SMYD3: variants seen among roughly 807,000 people sequenced by gnomAD.
SMYD3 encodes the protein SET and MYND domain containing 3.
A neutral mutation model predicts 57.7 loss-of-function variants in SMYD3; 36 were observed. The ratio of observed to expected loss-of-function variants is 0.62; its 90% CI spans 0.48 to 0.82. The LOEUF is 0.82. Ranked by LOEUF, SMYD3 falls within the 40% of genes least tolerant of loss-of-function variation. SMYD3 has a pLI of 0.00. For missense variants in SMYD3, 515 were observed against 538.8 expected, an observed-to-expected ratio of 0.96 and a Z score of 0.44; for synonymous variants, 211 against 195.0, an observed-to-expected ratio of 1.08 and a Z score of -0.68.
intron 1 of SMYD3, among the ~76,000 whole-genome samples, chr1:246,431,888 A>G (rs916123567): frequency 1.3e-5 from 2 of 152,200 alleles, no homozygotes; most frequent in African/African-American, 4.8e-5. Context: ...TCCATATTTT[A>G]TAATAGAAAG....
chr1:246,247,636 G>A (rs2063730898), intron 5 of SMYD3, among the ~76,000 whole-genome samples: 1 of 151,878 alleles, frequency 6.6e-6, no homozygotes, highest in Non-Finnish European at 1.5e-5. Context: ...AGAGAGGCTA[G>A]CTGCGGCTCC....
At chr1:246,285,580 T>C (rs951595043) in intron 5 of SMYD3, among the ~76,000 whole-genome samples, 2 of 152,074 alleles carry the variant, frequency 1.3e-5, no homozygotes, top group Middle Eastern at 3.4e-3. Flanking sequence ...GACACTGGCT[T>C]AGGCAAAGAC....
At chr1:245,953,323 C>T (rs2147953152) in intron 5 of SMYD3, 1 of 995,298 alleles carries the variant, frequency 1.0e-6, no homozygotes, top group African/African-American at 1.7e-5. Context: ...CAAAATCTTT[C>T]AATTAACTAA....
rs60915002 is a variant in SMYD3, at chr1:246,225,321, C to CAAAAAAAAAAAAAAAAAAAAAAAAAAAA, written c.531+101852_531+101879dup. ...GTTATGTGGAAGACTGCTGAAAAGT[C>CAAAAAAAAAAAAAAAAAAAAAAAAAAAA]AAAAAAAAAAAAAAAAAAAAAAAAA... On this transcript the variant is annotated intron_variant, in intron 5 of 11. Transcript: ENST00000490107. 9.2e-5 allele frequency among the ~76,000 whole-genome samples: 7 copies of CAAAAAAAAAAAAAAAAAAAAAAAAAAAA among 76,254 alleles called. 2 individuals are homozygous for CAAAAAAAAAAAAAAAAAAAAAAAAAAAA. Among genetic ancestry groups the CAAAAAAAAAAAAAAAAAAAAAAAAAAAA allele is most frequent in the African/African-American group, 9.5e-5 (2 of 21,138 alleles). 50.0% of individuals were successfully genotyped at this position (76,254 alleles called of 152,430 possible).
chr1:245,976,825 TCG>T (rs2058438896), intron 5 of SMYD3, among the ~76,000 whole-genome samples: 1 of 28,340 alleles, frequency 3.5e-5, no homozygotes, highest in Non-Finnish European at 9.5e-5. Context: ...GGGAAAGCCA[TCG>T]TCTCTAGCCT....
At chr1:246,289,688 A>G (rs10737789) in intron 5 of SMYD3, among the ~76,000 whole-genome samples, 69,576 of 151,984 alleles carry the variant, frequency 0.46, 16,863 homozygotes, top group East Asian at 0.82. Flanking sequence ...AGTGCATGGC[A>G]CTTGGTAAAT....
At chr1:245,783,924 T>C (rs1166131497) in intron 10 of SMYD3, among the ~76,000 whole-genome samples, 7 of 152,222 alleles carry the variant, frequency 4.6e-5, no homozygotes, top group Non-Finnish European at 4.4e-5. Flanking sequence ...TGTTCATGCA[T>C]TGGAAGACTC....
intron 10 of SMYD3, among the ~76,000 whole-genome samples, chr1:245,846,095 G>C (rs1192196937): frequency 6.6e-6 from 1 of 152,190 alleles, no homozygotes; most frequent in African/African-American, 2.4e-5. Context: ...CATGAATGGG[G>C]TGGGGGGGAA....
At chr1:245,859,262 C>T (rs1488705906) in intron 9 of SMYD3, among the ~76,000 whole-genome samples, 1 of 152,162 alleles carries the variant, frequency 6.6e-6, no homozygotes, top group Non-Finnish European at 1.5e-5. Flanking sequence ...ACAGTGACCC[C>T]AGCCTGTACT....
intron 5 of SMYD3, among the ~76,000 whole-genome samples, chr1:246,118,225 C>T (rs6686745): frequency 0.17 from 26,057 of 151,918 alleles, 3,338 homozygotes; most frequent in African/African-American, 0.36. Context: ...ACTCAAATGT[C>T]AGGCCAAAAA....
At chr1:246,142,104 G>A (rs2061766737) in intron 5 of SMYD3, among the ~76,000 whole-genome samples, 2 of 152,038 alleles carry the variant, frequency 1.3e-5, no homozygotes, top group Non-Finnish European at 2.9e-5. Flanking sequence ...TCTCGATTCA[G>A]TAGTCCCCCT....
chr1:245,896,704 G>A (rs557220481), intron 8 of SMYD3, among the ~76,000 whole-genome samples: 1 of 152,330 alleles, frequency 6.6e-6, no homozygotes, highest in South Asian at 2.1e-4. Flanking sequence ...TGGGCCTGAA[G>A]GGGCCAAACA....
chr1:245,936,586 T>C (rs767006359), intron 5 of SMYD3, among the ~76,000 whole-genome samples: 8 of 152,198 alleles, frequency 5.3e-5, no homozygotes, highest in Non-Finnish European at 1.0e-4. Context: ...AGCAATAATA[T>C]TTCATTTAAA....
At chr1:246,079,908 G>C (rs2147831608) in intron 5 of SMYD3, among the ~76,000 whole-genome samples, 1 of 152,244 alleles carries the variant, frequency 6.6e-6, no homozygotes, top group South Asian at 2.1e-4. Context: ...TCACGATAGA[G>C]CAGTTTAATG....
In SMYD3 at chr1:245,929,807, G is replaced by A. The variant is rs142861411; in HGVS notation, c.599+63C>T. 73 of 1,343,076 alleles carry A rather than the reference G, an allele frequency of 5.4e-5. No homozygotes were observed. The African/African-American group carries it at 9.4e-4, about 17-fold the overall frequency. 83.2% of individuals were successfully genotyped at this position (1,343,076 alleles called of 1,614,324 possible). ...ACTGCCTTTCTAACTACCTCCAAAGGGCTGGGGATTTGGGTGGGAATGAAA... is the reference window on the plus strand; with the variant it reads ...ACTGCCTTTCTAACTACCTCCAAAGAGCTGGGGATTTGGGTGGGAATGAAA... On this transcript the variant is annotated intron_variant, in intron 6 of 11. Coordinates refer to ENST00000490107, the MANE Select transcript of SMYD3 (RefSeq NM_001167740.2).
At chr1:246,412,806 C>T (rs1405815942) in intron 1 of SMYD3, among the ~76,000 whole-genome samples, 6 of 145,576 alleles carry the variant, frequency 4.1e-5, no homozygotes, top group African/African-American at 1.3e-4. Flanking sequence ...TGCTGTGAGC[C>T]GAGATCGCAC....
At chr1:245,988,719 C>A (rs2058752847) in intron 5 of SMYD3, among the ~76,000 whole-genome samples, 1 of 152,232 alleles carries the variant, frequency 6.6e-6, no homozygotes. Context: ...GGGACCAGAG[C>A]CCAGGCCAAT....
intron 1 of SMYD3, among the ~76,000 whole-genome samples, chr1:246,360,255 A>C (rs1475409445): frequency 6.6e-6 from 1 of 152,206 alleles, no homozygotes; most frequent in Non-Finnish European, 1.5e-5. Flanking sequence ...TTAGGAATAC[A>C]CCTAACTAAG....
chr1:245,828,483 A>C (rs79467468), intron 10 of SMYD3, among the ~76,000 whole-genome samples: 1,521 of 151,208 alleles, frequency 0.01, 18 homozygotes, highest in Non-Finnish European at 0.014. Context: ...TGAACACATT[A>C]TTTTTTTTTG....
Sources: allele counts gnomAD v4.1 joint callset (sites outside exome capture counted in the v4.1 genomes callset), GRCh38; gene constraint gnomAD v4.1.1; transcripts MANE v1.5; gene names NCBI Gene and HGNC (gene_info 2026-07-23, HGNC 2026-07-21).